The following CPED1 variants were observed in gnomAD, a reference collection of about 807,000 sequenced individuals.
CPED1 encodes the protein cadherin-like and PC-esterase domain-containing protein 1.
Under a neutral mutation model 128.2 loss-of-function variants are expected in CPED1, and 114 were observed. That is an observed-to-expected ratio of 0.89 (90% confidence interval 0.76 to 1.04). The LOEUF (loss-of-function observed/expected upper bound fraction) is 1.04. CPED1 is among the 50% of genes least tolerant of loss of function. The pLI, the probability that CPED1 is intolerant of heterozygous loss-of-function variation, is 0.00. For missense variants in CPED1, 1,211 were observed against 1,207.1 expected (o/e 1.00, Z -0.05); for synonymous variants, 462 against 426.7 (o/e 1.08, Z -1.02).
intron 14 of CPED1, among the ~76,000 whole-genome samples, chr7:121,136,702 A>C (rs893107883): frequency 6.6e-6 from 1 of 152,088 alleles, no homozygotes; most frequent in Non-Finnish European, 1.5e-5. Flanking sequence ...TAAATGCCTG[A>C]GCTGTATCAC....
chr7:121,206,669 AT>A (rs201615275), intron 16 of CPED1, among the ~76,000 whole-genome samples: 1 of 151,800 alleles, frequency 6.6e-6, no homozygotes, highest in Admixed American at 6.6e-5. Flanking sequence ...TGTAACCTCC[AT>A]TTTTTTACTT....
At chr7:121,173,706 T>G (rs1181796885) in intron 16 of CPED1, among the ~76,000 whole-genome samples, 8 of 152,152 alleles carry the variant, frequency 5.3e-5, no homozygotes, top group African/African-American at 1.9e-4. Flanking sequence ...CATGCACGTG[T>G]CTTTATGGTA....
intron 22 of CPED1, among the ~76,000 whole-genome samples, chr7:121,286,516 C>G (rs912251411): frequency 5.3e-5 from 8 of 152,212 alleles, no homozygotes; most frequent in Non-Finnish European, 7.4e-5. Flanking sequence ...AGAAGACACA[C>G]TACTTTTCCA....
intron 16 of CPED1, among the ~76,000 whole-genome samples, chr7:121,213,698 T>C (rs1797697884): frequency 1.3e-5 from 2 of 152,076 alleles, no homozygotes; most frequent in Admixed American, 1.3e-4. Flanking sequence ...AATGCATTTT[T>C]ACCTTCAAAA....
chr7:121,123,892 C>G (rs1273861118), intron 7 of CPED1, among the ~76,000 whole-genome samples: 1 of 152,176 alleles, frequency 6.6e-6, no homozygotes, highest in African/African-American at 2.4e-5. Context: ...GAATTTCATA[C>G]TTTAACATGA....
In CPED1 at chr7:121,244,259, A is replaced by G; in HGVS notation, c.2231A>G (p.Glu744Gly). The change falls in exon 18 of 23, where the codon GAA becomes GGA. Residue 744 changes from glutamate to glycine, a missense_variant. By Grantham distance (98) the Glu-to-Gly change is moderately conservative. Coordinates refer to ENST00000310396, the MANE Select transcript of CPED1 (RefSeq NM_024913.5). Reference sequence around the variant, plus strand: ...GACAACAGGACGTGTGACTGGAGAGAAATAACCTGGCAGCCCCACAACTGC... The same window carrying G: ...GACAACAGGACGTGTGACTGGAGAGGAATAACCTGGCAGCCCCACAACTGC... Reference protein sequence around the residue: ...CSDNRTCDWREITWQPHNCQY... With the variant: ...CSDNRTCDWRGITWQPHNCQY... 6 of 1,614,154 alleles carry G rather than the reference A, an allele frequency of 3.7e-6. No homozygotes were observed. The highest frequency in any genetic ancestry group is 5.1e-6 in the Non-Finnish European group (6 of 1,180,006).
chr7:121,272,218 G>A (rs139653630), intron 22 of CPED1, among the ~76,000 whole-genome samples: 11 of 152,158 alleles, frequency 7.2e-5, no homozygotes, highest in African/African-American at 2.6e-4. Context: ...GGGAGAGAAG[G>A]CAGGACACTT....
At chr7:121,267,971 TCTCAAAAATGTATCTGC>T (rs1472905995) in intron 21 of CPED1, among the ~76,000 whole-genome samples, 2 of 152,040 alleles carry the variant, frequency 1.3e-5, no homozygotes, top group East Asian at 3.9e-4. Context: ...CCAATTCTTT[TCTCAAAAATGTATCTGC>T]CTGGACAGCA....
At chr7:120,991,917 C>T (rs530691869) in intron 2 of CPED1, among the ~76,000 whole-genome samples, 2 of 152,264 alleles carry the variant, frequency 1.3e-5, no homozygotes, top group East Asian at 3.9e-4. Flanking sequence ...CCATTTTTAA[C>T]CTATGCCAGC....
chr7:121,071,050 G>A (rs536623393), intron 5 of CPED1, among the ~76,000 whole-genome samples: 2 of 152,212 alleles, frequency 1.3e-5, no homozygotes, highest in African/African-American at 4.8e-5. Flanking sequence ...AAATTCAGAA[G>A]CTTTAGAGGC....
At chr7:121,111,290 C>T (rs1242926277) in intron 7 of CPED1, among the ~76,000 whole-genome samples, 1 of 152,146 alleles carries the variant, frequency 6.6e-6, no homozygotes, top group African/African-American at 2.4e-5. Flanking sequence ...CCTTTCTTCT[C>T]CCCAGTCACT....
At chr7:121,059,869 C>T (rs928613737) in intron 4 of CPED1, among the ~76,000 whole-genome samples, 3 of 152,232 alleles carry the variant, frequency 2.0e-5, no homozygotes, top group African/African-American at 7.2e-5. Flanking sequence ...CCACTTTGGC[C>T]GCACTTCAGG....
chr7:121,163,078 A>G (rs1418606344), intron 16 of CPED1, among the ~76,000 whole-genome samples: 1 of 152,248 alleles, frequency 6.6e-6, no homozygotes. Flanking sequence ...TCTTCTGAAT[A>G]TCTCCTCCAG....
intron 16 of CPED1, among the ~76,000 whole-genome samples, chr7:121,215,714 C>T (rs1329268474): frequency 6.6e-6 from 1 of 151,960 alleles, no homozygotes; most frequent in Non-Finnish European, 1.5e-5. Flanking sequence ...ATGGGAGAAT[C>T]CCACCTGACA....
rs1207297158 is a variant in CPED1, at chr7:121,015,715, A to G, written c.300A>G (p.Ile100Met). ...THFGSHGRRA[I>M]LYRPPFYSKT... Reference sequence around the variant, plus strand: ...TTGGCAGCCATGGCCGAAGGGCCATACTCTACAGGCCTCCTTTCTACAGCA... The same window carrying G: ...TTGGCAGCCATGGCCGAAGGGCCATGCTCTACAGGCCTCCTTTCTACAGCA... The change falls in exon 3 of 23, where the codon ATA becomes ATG. Residue 100 changes from isoleucine (I) to methionine (M), a missense_variant. Ile to Met is a conservative substitution (Grantham distance 10, BLOSUM62 1). Transcript: ENST00000310396. 5 of 1,609,456 alleles carry G rather than the reference A, an allele frequency of 3.1e-6. No homozygotes were observed. In the African/African-American group the frequency reaches 5.4e-5, roughly 17 times the overall value.
At chr7:121,235,286 T>G (rs758103143) in intron 16 of CPED1, among the ~76,000 whole-genome samples, 1 of 152,138 alleles carries the variant, frequency 6.6e-6, no homozygotes, top group Non-Finnish European at 1.5e-5. Flanking sequence ...TTTTATTGCT[T>G]TATTATAATA....
intron 16 of CPED1, among the ~76,000 whole-genome samples, chr7:121,224,787 C>CTTTTTTTTTTTTT (rs143087799): frequency 8.9e-5 from 5 of 56,252 alleles, no homozygotes; most frequent in East Asian, 6.8e-4. Context: ...GCAACCCCTG[C>CTTTTTTTTTTTTT]TTTTTTTTTT....
intron 16 of CPED1, among the ~76,000 whole-genome samples, chr7:121,143,040 T>G (rs553510831): frequency 1.8e-4 from 27 of 152,026 alleles, no homozygotes; most frequent in Non-Finnish European, 3.1e-4. Context: ...GCCACTGTCT[T>G]ATCTGTTTCC....
chr7:121,100,219 A>G (rs1584511632), intron 7 of CPED1, 125 bp downstream of exon 7: 1 of 830,446 alleles, frequency 1.2e-6, no homozygotes, highest in East Asian at 2.6e-5. Flanking sequence ...CATCTTTTTT[A>G]TTGCCGCAAG....
Sources: gnomAD v4.1 joint callset for allele counts (sites outside exome capture counted in the v4.1 genomes callset) on GRCh38, gnomAD v4.1.1 for gene constraint, MANE v1.5 for transcripts, NCBI Gene and HGNC (gene_info 2026-07-23, HGNC 2026-07-21) for gene names.